KCNH8: variants seen among roughly 807,000 people sequenced by gnomAD.
KCNH8 encodes the protein potassium voltage-gated channel subfamily H member 8.
KCNH8 carries 70 observed loss-of-function variants against 103.6 expected under a neutral mutation model. That is an observed-to-expected ratio of 0.68 (90% confidence interval 0.56 to 0.82). The LOEUF is 0.82. KCNH8 is among the 40% of genes least tolerant of loss of function. The pLI is 0.00. For missense variants in KCNH8, 1,217 were observed against 1,329.9 expected, an observed-to-expected ratio of 0.92 and a Z score of 1.32; for synonymous variants, 498 against 489.4, an observed-to-expected ratio of 1.02 and a Z score of -0.23.
intron 5 of KCNH8, among the ~76,000 whole-genome samples, chr3:19,378,921 T>G (rs1052020241): frequency 6.6e-6 from 1 of 152,212 alleles, no homozygotes; most frequent in African/African-American, 2.4e-5. Context: ...TTAAATGTAT[T>G]TCAAGTCTCA....
At chr3:19,310,894 C>T (rs959450522) in intron 3 of KCNH8, among the ~76,000 whole-genome samples, 5 of 151,816 alleles carry the variant, frequency 3.3e-5, no homozygotes, top group Non-Finnish European at 7.4e-5. Flanking sequence ...ATTATCCATG[C>T]ACAGTATTTT....
chr3:19,258,872 T>A (rs1027700205), intron 2 of KCNH8, among the ~76,000 whole-genome samples: 2 of 145,024 alleles, frequency 1.4e-5, no homozygotes, highest in African/African-American at 5.1e-5. Flanking sequence ...AGATATATAT[T>A]ACAGAGTAAA....
chr3:19,165,679 T>A (rs2063276259), intron 1 of KCNH8, among the ~76,000 whole-genome samples: 1 of 152,208 alleles, frequency 6.6e-6, no homozygotes, highest in South Asian at 2.1e-4. Context: ...TCCCAGATAA[T>A]GTCTTCTTAA....
In KCNH8 at chr3:19,322,024, G is replaced by T. The variant is rs116215823; in HGVS notation, c.443-20563G>T. 9.1e-3 allele frequency among the ~76,000 whole-genome samples: 1,383 copies of T among 151,954 alleles called. 8 individuals are homozygous for T. The highest frequency in any genetic ancestry group is 0.037 in the Middle Eastern group (11 of 294). On this transcript the variant is annotated intron_variant, in intron 3 of 15. Transcript: ENST00000328405. ...ATAGCTACTACTACTCATCTTTGGT[G>T]TCCATTTTCATAGAATATCTTTTTC...
intron 3 of KCNH8, among the ~76,000 whole-genome samples, chr3:19,307,275 C>T (rs1343808810): frequency 6.6e-6 from 1 of 151,626 alleles, no homozygotes; most frequent in Non-Finnish European, 1.5e-5. Flanking sequence ...CAAAAGAAAA[C>T]AAACCAATGG....
At position 19,239,678 on chromosome 3, in the gene KCNH8, C is replaced by CTATG. The variant is rs1553627715; in HGVS notation, c.77-13973_77-13972insGTAT. Reference sequence around the variant, plus strand: ...TCTATCTATCTATCTATCTATCTATCTATCTACCTACCTACCTATCTATCT... The same window carrying CTATG: ...TCTATCTATCTATCTATCTATCTATCTATGTATCTACCTACCTACCTATCTATCT... On this transcript the variant is annotated intron_variant, in intron 1 of 15. Coordinates refer to ENST00000328405, the MANE Select transcript of KCNH8 (RefSeq NM_144633.3). Among the ~76,000 whole-genome samples, 596 of 151,716 alleles carry CTATG rather than the reference C, an allele frequency of 3.9e-3. 3 individuals carry two copies. The highest frequency in any genetic ancestry group is 0.014 in the African/African-American group (564 of 41,258).
At chr3:19,433,017 GT>G (rs758509434) in intron 7 of KCNH8, among the ~76,000 whole-genome samples, 1 of 151,756 alleles carries the variant, frequency 6.6e-6, no homozygotes, top group East Asian at 1.9e-4. Context: ...TTTTTGGGGG[GT>G]TTTTTTGTAC....
rs567092606 is a variant in KCNH8 at position 19,385,658 on chromosome 3, A to G, written c.812-4823A>G. ...TCTTATCCACTAATATTGGCAATCAATTGCAATTATTCTTAGGATTATTAG... is the reference window on the plus strand; with the variant it reads ...TCTTATCCACTAATATTGGCAATCAGTTGCAATTATTCTTAGGATTATTAG... On this transcript the variant is annotated intron_variant, in intron 5 of 15. Transcript: ENST00000328405. 1.4e-4 allele frequency among the ~76,000 whole-genome samples: 21 copies of G among 152,284 alleles called. No individual in the cohort carries two copies. In the South Asian group the frequency reaches 3.9e-3, roughly 29 times the overall value.
At chr3:19,464,506 G>A (rs2067696207) in intron 11 of KCNH8, among the ~76,000 whole-genome samples, 2 of 152,166 alleles carry the variant, frequency 1.3e-5, no homozygotes, top group South Asian at 4.1e-4. Context: ...GACATGGACT[G>A]TAATAACAAT....
chr3:19,495,182 A>C (rs1051252721), intron 11 of KCNH8, among the ~76,000 whole-genome samples: 1 of 151,380 alleles, frequency 6.6e-6, no homozygotes, highest in Non-Finnish European at 1.5e-5. Flanking sequence ...TTCTTTTGCT[A>C]TAAGCTCCAT....
In KCNH8 at chr3:19,381,190, CAAAT is replaced by C. The variant is rs543593861; in HGVS notation, c.812-9288_812-9285del. On this transcript the variant is annotated intron_variant, in intron 5 of 15. Transcript: ENST00000328405. ...GAAATGTGGGAAAACTAGCATCTGA[CAAAT>C]AAGCCATTGGAACAAAATACAGAGA... Among the ~76,000 whole-genome samples, 507 of 152,226 alleles carry C rather than the reference CAAAT, an allele frequency of 3.3e-3. 2 individuals carry two copies. The highest frequency in any genetic ancestry group is 5.5e-3 in the Non-Finnish European group (377 of 67,994).
rs547162420 is a variant in KCNH8, at chr3:19,272,942, G to C, written c.311-8256G>C. On this transcript the variant is annotated intron_variant, in intron 2 of 15. Transcript: ENST00000328405. Reference sequence around the variant, plus strand: ...AGAGATCTATTCTGTTTTGTTCACTGATGTATCCAAACAGTTAACAATAGT... The same window carrying C: ...AGAGATCTATTCTGTTTTGTTCACTCATGTATCCAAACAGTTAACAATAGT... Among the ~76,000 whole-genome samples, 3 of 152,204 alleles carry C rather than the reference G, an allele frequency of 2.0e-5. No individual in the cohort carries two copies. The East Asian group carries it at 5.8e-4, about 29-fold the overall frequency.
intron 7 of KCNH8, among the ~76,000 whole-genome samples, chr3:19,428,422 C>T (rs1320905178): frequency 6.6e-6 from 1 of 152,056 alleles, no homozygotes; most frequent in Non-Finnish European, 1.5e-5. Context: ...CAATTGTGTA[C>T]ATTATTTTCT....
intron 15 of KCNH8, among the ~76,000 whole-genome samples, chr3:19,523,710 G>A (rs1447837416): frequency 6.6e-6 from 1 of 151,904 alleles, no homozygotes; most frequent in African/African-American, 2.4e-5. Context: ...AAAAGAAAGT[G>A]TAAGCTTTTG....
intron 15 of KCNH8, among the ~76,000 whole-genome samples, chr3:19,526,454 G>A (rs552899890): frequency 6.6e-6 from 1 of 151,938 alleles, no homozygotes; most frequent in Non-Finnish European, 1.5e-5. Context: ...GTCATTTTAT[G>A]TGAAATGAAA....
chr3:19,177,897 T>C (rs2063415928), intron 1 of KCNH8, among the ~76,000 whole-genome samples: 1 of 152,136 alleles, frequency 6.6e-6, no homozygotes, highest in Admixed American at 6.5e-5. Context: ...TCTTCTGACA[T>C]AGTTAATTCA....
intron 3 of KCNH8, among the ~76,000 whole-genome samples, chr3:19,292,497 A>G (rs747019368): frequency 7.9e-5 from 12 of 152,228 alleles, no homozygotes; most frequent in Non-Finnish European, 1.6e-4. Flanking sequence ...ATAAAATAAT[A>G]AACAGCTATT....
chr3:19,360,435 A>G (rs974456298), intron 5 of KCNH8, among the ~76,000 whole-genome samples: 2 of 152,174 alleles, frequency 1.3e-5, no homozygotes, highest in South Asian at 4.1e-4. Flanking sequence ...GATAAAAGTT[A>G]TCGTTAACAC....
At chr3:19,394,398 G>C (rs2066483353) in intron 6 of KCNH8, among the ~76,000 whole-genome samples, 1 of 151,918 alleles carries the variant, frequency 6.6e-6, no homozygotes. Context: ...TGCTATAGTG[G>C]ATGCAAAGGC....
Sources: gnomAD v4.1 joint callset for allele counts (sites outside exome capture counted in the v4.1 genomes callset) on GRCh38, gnomAD v4.1.1 for gene constraint, MANE v1.5 for transcripts, NCBI Gene and HGNC (gene_info 2026-07-23, HGNC 2026-07-21) for gene names.